SIPA1L1: variants seen among roughly 807,000 people sequenced by gnomAD.
The protein encoded by SIPA1L1 is signal induced proliferation associated 1 like 1, also known as signal-induced proliferation-associated 1-like protein 1.
In SIPA1L1, 26 loss-of-function variants were observed where a neutral mutation model predicts 162.7. That is an observed-to-expected ratio of 0.16 (90% CI 0.12 to 0.22). The LOEUF is 0.22. SIPA1L1 is among the 10% of genes least tolerant of loss of function. The pLI is 1.00. For synonymous variants in SIPA1L1, 829 were observed against 837.4 expected (o/e 0.99, Z 0.17); for missense variants, 1,874 against 2,241.0 (o/e 0.84, Z 3.31).
intron 2 of SIPA1L1, among the ~76,000 whole-genome samples, chr14:71,412,302 T>G (rs1027886954): frequency 1.3e-5 from 2 of 152,230 alleles, no homozygotes; most frequent in Non-Finnish European, 2.9e-5. Context: ...TATGAGACTT[T>G]ATTGCAATTT....
intron 2 of SIPA1L1, among the ~76,000 whole-genome samples, chr14:71,440,554 G>A (rs1305526949): frequency 1.3e-5 from 2 of 150,492 alleles, no homozygotes; most frequent in African/African-American, 2.4e-5. Context: ...GAGGCTGAGC[G>A]GGGAGGATAG....
chr14:71,589,920 A>G (rs1228138301), intron 5 of SIPA1L1, among the ~76,000 whole-genome samples: 1 of 151,276 alleles, frequency 6.6e-6, no homozygotes, highest in African/African-American at 2.4e-5. Flanking sequence ...TCTCAGTGCC[A>G]AGAATCAAAT....
chr14:71,455,047 G>A (rs759539829), intron 2 of SIPA1L1, among the ~76,000 whole-genome samples: 9 of 152,180 alleles, frequency 5.9e-5, no homozygotes, highest in Non-Finnish European at 1.0e-4. Context: ...TCCTTCATGA[G>A]TGAATGTACA....
intron 5 of SIPA1L1, among the ~76,000 whole-genome samples, chr14:71,603,019 A>ATG (rs2036973185): frequency 6.6e-6 from 1 of 152,208 alleles, no homozygotes; most frequent in Non-Finnish European, 1.5e-5. Flanking sequence ...TGTTTTGTTT[A>ATG]TGTATCTGGG....
At chr14:71,623,405 T>TA in intron 6 of SIPA1L1, among the ~76,000 whole-genome samples, 1 of 152,320 alleles carries the variant, frequency 6.6e-6, no homozygotes, top group Non-Finnish European at 1.5e-5. Flanking sequence ...ACAACATCAT[T>TA]ACGTAGGAAA....
intron 3 of SIPA1L1, among the ~76,000 whole-genome samples, chr14:71,515,949 T>C (rs1044584447): frequency 2.6e-5 from 4 of 152,198 alleles, no homozygotes; most frequent in African/African-American, 9.6e-5. Context: ...GCCTATTATA[T>C]AGCATTTAAA....
intron 2 of SIPA1L1, among the ~76,000 whole-genome samples, chr14:71,463,734 A>G (rs576666713): frequency 6.6e-6 from 1 of 152,340 alleles, no homozygotes; most frequent in South Asian, 2.1e-4. Context: ...TTAGAATTCA[A>G]CTTAGTATTT....
Position 71,738,241 on chromosome 14 carries a change from C to T in SIPA1L1, c.5124C>T (p.Ser1708=). Residue 1708 remains serine (S), a splice_region_variant and synonymous_variant, in exon 23 of 24, where the codon AGC becomes AGT. Transcript: ENST00000381232. ...QALAQMKPYS[S]SKDSSPTLAS... is the part of the protein sequence containing the mutation. ...ATGGTCTTTTGTTTCTTGTTCCCAG[C>T]AGTAAAGACTCCTCTCCCACTCTGG... 1.2e-6 allele frequency: 2 copies of T among 1,602,434 alleles called. No homozygotes were observed. The highest frequency in any genetic ancestry group is 1.7e-6 in the Non-Finnish European group (2 of 1,171,474).
chr14:71,588,080 G>A lies in SIPA1L1; in HGVS notation c.208G>A (p.Gly70Arg), dbSNP rs779423075. The change falls in exon 5 of 24, where the codon GGA becomes AGA. Residue 70 changes from glycine (G) to arginine (R), a missense_variant. Gly to Arg is a moderately radical substitution (Grantham distance 125). This residue lies in a region of SIPA1L1 where 685 missense variants were observed against 828.0 expected (regional missense o/e 0.83). Transcript: ENST00000381232. The surrounding 1 kb of genome is among the most constrained non-coding windows in gnomAD (Gnocchi z 4.3). The stretch of plus-strand genomic sequence containing the variant: ...TTCTCACCATATAACCTCAACCCCC[G>A]GAGTCCCAAAAATGGGGGTAAGGGC... ...EGSHHITSTPGVPKMGVRARI... is the reference protein window; with the variant it reads ...EGSHHITSTPRVPKMGVRARI... 5 of 1,614,034 alleles carry A rather than the reference G, an allele frequency of 3.1e-6. No individual in the cohort carries two copies. The highest frequency in any genetic ancestry group is 3.4e-6 in the Non-Finnish European group (4 of 1,179,966).
At chr14:71,587,508 C>T (rs2034770462) in intron 4 of SIPA1L1, 63 bp from the exon 5 acceptor site, 1 of 403,404 alleles carries the variant, frequency 2.5e-6, no homozygotes, top group Non-Finnish European at 4.4e-6. Context: ...CTGGTTTTGA[C>T]AATTGCATGT....
chr14:71,714,106 G>T (rs537674923), intron 17 of SIPA1L1, among the ~76,000 whole-genome samples: 1 of 152,082 alleles, frequency 6.6e-6, no homozygotes, highest in African/African-American at 2.4e-5. Flanking sequence ...TTGCATCACC[G>T]CATACAATAA....
intron 2 of SIPA1L1, among the ~76,000 whole-genome samples, chr14:71,499,224 T>C (rs781431577): frequency 2.0e-5 from 3 of 152,190 alleles, no homozygotes; most frequent in Non-Finnish European, 2.9e-5. Flanking sequence ...GGCACGTGCC[T>C]GTAGCTACCT....
intron 7 of SIPA1L1, among the ~76,000 whole-genome samples, chr14:71,649,188 AAT>A (rs1491579889): frequency 6.9e-6 from 1 of 145,410 alleles, no homozygotes; most frequent in East Asian, 1.9e-4. Context: ...TTCAAAGTCC[AAT>A]TTTTTTTTTT....
intron 4 of SIPA1L1, among the ~76,000 whole-genome samples, chr14:71,572,524 G>A (rs2032271380): frequency 6.6e-6 from 1 of 152,128 alleles, no homozygotes; most frequent in South Asian, 2.1e-4. Context: ...TGGGAGACGT[G>A]GGATCCATCC....
chr14:71,599,032 C>T (rs1282931321), intron 5 of SIPA1L1, among the ~76,000 whole-genome samples: 2 of 152,246 alleles, frequency 1.3e-5, no homozygotes, highest in Non-Finnish European at 2.9e-5. Flanking sequence ...TCTTTTAGCT[C>T]CCACATGTGC....
At chr14:71,630,983 A>G (rs887168173) in intron 7 of SIPA1L1, among the ~76,000 whole-genome samples, 41 of 152,022 alleles carry the variant, frequency 2.7e-4, no homozygotes, top group African/African-American at 9.2e-4. Flanking sequence ...TCAACTTGTC[A>G]TTTATACTAG....
intron 21 of SIPA1L1, among the ~76,000 whole-genome samples, chr14:71,734,095 C>T (rs534320612): frequency 6.6e-6 from 1 of 152,364 alleles, no homozygotes; most frequent in East Asian, 1.9e-4. Context: ...CCAGCTGTCC[C>T]TTGACTAAAA....
chr14:71,525,573 G>T (rs920368058), intron 3 of SIPA1L1, among the ~76,000 whole-genome samples: 1 of 152,124 alleles, frequency 6.6e-6, no homozygotes, highest in Non-Finnish European at 1.5e-5. Flanking sequence ...ACAATAGAAC[G>T]TAAATCCTCA....
intron 4 of SIPA1L1, among the ~76,000 whole-genome samples, chr14:71,568,874 T>C (rs1207205968): frequency 6.6e-6 from 1 of 152,224 alleles, no homozygotes; most frequent in East Asian, 1.9e-4. Flanking sequence ...ACAGTTCCTC[T>C]GGAGAGGCCA....
Sources: allele counts gnomAD v4.1 joint callset (sites outside exome capture counted in the v4.1 genomes callset), GRCh38; gene constraint gnomAD v4.1.1; regional missense constraint gnomAD v4.1.1; non-coding constraint Gnocchi (gnomAD v3.1); transcripts MANE v1.5; gene names NCBI Gene and HGNC (gene_info 2026-07-23, HGNC 2026-07-21).